Variants in PPM1E observed in about 807,000 individuals in gnomAD.
PPM1E encodes protein phosphatase, Mg2+/Mn2+ dependent 1E.
A neutral mutation model predicts 65.9 loss-of-function variants in PPM1E; 20 were observed. That is an observed-to-expected ratio of 0.30 (90% confidence interval 0.21 to 0.44). The LOEUF (loss-of-function observed/expected upper bound fraction) is 0.44. PPM1E is among the 20% of genes least tolerant of loss of function. PPM1E has a pLI of 1.00. For synonymous variants in PPM1E, 352 were observed against 374.9 expected, an observed-to-expected ratio of 0.94 and a Z score of 0.70; for missense variants, 713 against 953.1, an observed-to-expected ratio of 0.75 and a Z score of 3.32.
At position 58,909,924 on chromosome 17, in the gene PPM1E, C is replaced by CTTT. The variant is rs35833275; in HGVS notation, c.465-45707_465-45705dup. Among the ~76,000 whole-genome samples the CTTT allele has an allele frequency of 2.2e-3, 194 of 90,034 alleles. 6 individuals are homozygous for CTTT. Among genetic ancestry groups the CTTT allele is most frequent in the African/African-American group, 4.8e-3 (110 of 22,828 alleles). 59.1% of individuals were successfully genotyped at this position (90,034 alleles called of 152,430 possible). ...CTTTCTTTCTTTCTTTTTTCTTTTT[C>CTTT]TTTTTTTTTTTTTTTTTTTTGAGAC... On this transcript the variant is annotated intron_variant, in intron 1 of 6. Transcript: ENST00000308249.
intron 1 of PPM1E, among the ~76,000 whole-genome samples, chr17:58,764,126 A>G (rs1054350840): frequency 6.6e-6 from 1 of 151,864 alleles, no homozygotes; most frequent in Non-Finnish European, 1.5e-5. Flanking sequence ...AAAATATTTT[A>G]TATTTTTATA....
At chr17:58,890,403 A>G (rs1260022255) in intron 1 of PPM1E, among the ~76,000 whole-genome samples, 2 of 152,164 alleles carry the variant, frequency 1.3e-5, no homozygotes, top group African/African-American at 4.8e-5. Flanking sequence ...CGTGAAAGAG[A>G]CTGAGAAAAG....
At chr17:58,966,067 T>A (rs773291805) in intron 3 of PPM1E, 174 bp downstream of exon 3, 14 of 654,448 alleles carry the variant, frequency 2.1e-5, no homozygotes, top group Non-Finnish European at 3.4e-5. Flanking sequence ...TATTTTACGT[T>A]CTTTTGAATA....
rs142749547 is a variant in PPM1E at position 58,924,932 on chromosome 17, A to G, written c.465-30717A>G. On this transcript the variant is annotated intron_variant, in intron 1 of 6. Transcript: ENST00000308249. Reference sequence around the variant, plus strand: ...TCATTCCTTTTTATGGTTGCATAGTATTCCATGGTGTATATGTACCACATT... The same window carrying G: ...TCATTCCTTTTTATGGTTGCATAGTGTTCCATGGTGTATATGTACCACATT... Among the ~76,000 whole-genome samples, 676 of 152,246 alleles carry G rather than the reference A, an allele frequency of 4.4e-3. 9 individuals carry two copies. Among genetic ancestry groups the G allele is most frequent in the Non-Finnish European group, 4.0e-3 (271 of 68,022 alleles).
At chr17:58,870,087 T>C (rs1174834748) in intron 1 of PPM1E, among the ~76,000 whole-genome samples, 1 of 152,140 alleles carries the variant, frequency 6.6e-6, no homozygotes, top group African/African-American at 2.4e-5. Flanking sequence ...ACACAGGGTA[T>C]TCCCTAAATG....
chr17:58,908,962 A>G (rs2051590902), intron 1 of PPM1E, among the ~76,000 whole-genome samples: 1 of 152,186 alleles, frequency 6.6e-6, no homozygotes, highest in Admixed American at 6.5e-5. Context: ...ATATACACAC[A>G]TAAGATACAT....
At chr17:58,916,723 T>A (rs1416900961) in intron 1 of PPM1E, among the ~76,000 whole-genome samples, 1 of 152,236 alleles carries the variant, frequency 6.6e-6, no homozygotes, top group Admixed American at 6.5e-5. Context: ...CCAGATGACT[T>A]CTGTGGTTCC....
rs550633794 is a variant in PPM1E at position 58,982,728 on chromosome 17, T to C, written c.*1697T>C. 1 of 530,716 alleles carries C rather than the reference T, an allele frequency of 1.9e-6. No individual in the cohort carries two copies. Among genetic ancestry groups the C allele is most frequent in the Admixed American group, 3.4e-5 (1 of 29,650 alleles). The allele number at this position is 530,716 out of a possible 1,614,324, so 32.9% of individuals were successfully genotyped here. A position where few individuals can be genotyped will look rare whatever the true frequency, so the allele number is the denominator to read the frequency against. ...TTTCAGTATTTGTTTTCTCTTGATT[T>C]TGAAGTCATTTCTTCTTCTCACGTC... On this transcript the variant is annotated 3_prime_UTR_variant, in exon 7 of 7. Coordinates refer to ENST00000308249, the MANE Select transcript of PPM1E (RefSeq NM_014906.5).
chr17:58,907,585 T>C (rs970360316), intron 1 of PPM1E, among the ~76,000 whole-genome samples: 2 of 152,244 alleles, frequency 1.3e-5, no homozygotes, highest in South Asian at 4.1e-4. Flanking sequence ...GAGAGAGGGA[T>C]GTTGAAGTCT....
At chr17:58,788,970 C>T (rs187721155) in intron 1 of PPM1E, among the ~76,000 whole-genome samples, 35 of 152,278 alleles carry the variant, frequency 2.3e-4, no homozygotes, top group Admixed American at 1.7e-3. Context: ...CTGAGTTAAT[C>T]CTAATAATGA....
chr17:58,977,209 C>A (rs2031056530), intron 6 of PPM1E, among the ~76,000 whole-genome samples: 1 of 151,950 alleles, frequency 6.6e-6, no homozygotes, highest in Non-Finnish European at 1.5e-5. Flanking sequence ...CTTTGAGAAG[C>A]CCAGGTGGGT....
At chr17:58,852,767 C>A (rs976368662) in intron 1 of PPM1E, among the ~76,000 whole-genome samples, 5 of 151,938 alleles carry the variant, frequency 3.3e-5, no homozygotes, top group African/African-American at 1.2e-4. Context: ...CCACATCCAG[C>A]TAATTTTTAT....
chr17:58,772,606 G>A (rs1001803224), intron 1 of PPM1E, among the ~76,000 whole-genome samples: 2 of 152,144 alleles, frequency 1.3e-5, no homozygotes, highest in Non-Finnish European at 2.9e-5. Context: ...GAGCTGAAAA[G>A]CATTCCACCA....
intron 1 of PPM1E, among the ~76,000 whole-genome samples, chr17:58,772,938 A>G (rs532559047): frequency 6.3e-4 from 95 of 151,674 alleles, no homozygotes; most frequent in African/African-American, 2.2e-3. Flanking sequence ...GGCTATTAGA[A>G]CAGTGTCTTC....
chr17:58,811,540 C>T lies in PPM1E; in HGVS notation c.464+55079C>T, dbSNP rs563679681. The stretch of plus-strand genomic sequence containing the variant: ...CAGAAGTGGTAGAAAAAAATTGAGA[C>T]TTTTTTCTTTTGTATTGTTAACTGT... On this transcript the variant is annotated intron_variant, in intron 1 of 6. Transcript: ENST00000308249. Among the ~76,000 whole-genome samples, 4 of 152,182 alleles carry T rather than the reference C, an allele frequency of 2.6e-5. No homozygotes were observed. In the East Asian group the frequency reaches 7.7e-4, roughly 29 times the overall value.
intron 1 of PPM1E, among the ~76,000 whole-genome samples, chr17:58,880,142 G>A (rs1277064521): frequency 6.6e-6 from 1 of 152,162 alleles, no homozygotes; most frequent in African/African-American, 2.4e-5. Flanking sequence ...TTTTAACAAG[G>A]TCTGTACAGA....
chr17:58,905,112 A>G (rs186922383), intron 1 of PPM1E, among the ~76,000 whole-genome samples: 2 of 151,588 alleles, frequency 1.3e-5, no homozygotes, highest in African/African-American at 4.8e-5. Context: ...GGGTTTTTTG[A>G]CTCTTTCAGA....
chr17:58,790,655 G>T (rs2050148440), intron 1 of PPM1E, among the ~76,000 whole-genome samples: 1 of 152,086 alleles, frequency 6.6e-6, no homozygotes, highest in Non-Finnish European at 1.5e-5. Context: ...CAGTCACTCT[G>T]TTGCAAGAAG....
In PPM1E at chr17:58,983,789, A is replaced by G. The variant is rs1276080491; in HGVS notation, c.*2758A>G. 1 of 152,658 alleles carries G rather than the reference A, an allele frequency of 6.6e-6. No homozygotes were observed. Among genetic ancestry groups the G allele is most frequent in the Non-Finnish European group, 1.5e-5 (1 of 68,044 alleles). 9.5% of individuals were successfully genotyped at this position (152,658 alleles called of 1,614,324 possible). ...TTTCAATTTAACATGGTCTGCATCA[A>G]TCTGTTTGCCTGCTAAACAAGTTAG... On this transcript the variant is annotated 3_prime_UTR_variant, in exon 7 of 7. Transcript: ENST00000308249.
Sources: allele counts gnomAD v4.1 joint callset (sites outside exome capture counted in the v4.1 genomes callset), GRCh38; gene constraint gnomAD v4.1.1; transcripts MANE v1.5; gene names NCBI Gene and HGNC (gene_info 2026-07-23, HGNC 2026-07-21).